The following UNC13A variants were observed in gnomAD, a reference collection of about 807,000 sequenced individuals.
UNC13A encodes protein unc-13 homolog A.
In UNC13A, 61 loss-of-function variants were observed where a neutral mutation model predicts 219.7. That is an observed-to-expected ratio of 0.28 (90% CI 0.23 to 0.34). The LOEUF is 0.34. Ranked by LOEUF, UNC13A falls within the 10% of genes least tolerant of loss-of-function variation. The pLI is 1.00. For missense variants in UNC13A, 1,476 were observed against 2,270.3 expected (o/e 0.65, Z 7.11); for synonymous variants, 920 against 884.6 (o/e 1.04, Z -0.71).
intron 1 of UNC13A, among the ~76,000 whole-genome samples, chr19:17,687,185 G>T (rs908474673): frequency 6.6e-6 from 1 of 152,184 alleles, no homozygotes; most frequent in African/African-American, 2.4e-5. Context: ...GAGCCATAAA[G>T]GTGTGGGGTG....
chr19:17,676,227 G>A (rs542990242), intron 1 of UNC13A, 186 bp from the exon 2 acceptor site: 2 of 715,106 alleles, frequency 2.8e-6, no homozygotes, highest in African/African-American at 3.5e-5. Flanking sequence ...AGCAATGTCA[G>A]AGACAGAGAC....
chr19:17,669,948 C>T (rs1297873016), intron 4 of UNC13A, among the ~76,000 whole-genome samples: 6 of 107,118 alleles, frequency 5.6e-5, no homozygotes, highest in East Asian at 5.5e-4. Context: ...CTTTTCTTTT[C>T]TTTTTTTTTT....
At chr19:17,679,939 C>G (rs1599418084) in intron 1 of UNC13A, among the ~76,000 whole-genome samples, 1 of 152,030 alleles carries the variant, frequency 6.6e-6, no homozygotes. Context: ...AGGGCTGTAC[C>G]CTCTGATAGC....
Position 17,605,256 on chromosome 19 carries a change from C to G in UNC13A, c.*798G>C, listed in dbSNP as rs527336506. 84 of 153,066 alleles carry G rather than the reference C, an allele frequency of 5.5e-4. No homozygotes were observed. Among genetic ancestry groups the G allele is most frequent in the African/African-American group, 2.0e-3 (83 of 41,584 alleles). The allele number at this position is 153,066 out of a possible 1,614,324, so 9.5% of individuals were successfully genotyped here. A position where few individuals can be genotyped will look rare whatever the true frequency, so the allele number is the denominator to read the frequency against. ...GCACAGAGGGTATGGCACCTGGAACCTTGGCCAAGTCTCAAGCAGCTCTTT... is the reference window on the plus strand; with the variant it reads ...GCACAGAGGGTATGGCACCTGGAACGTTGGCCAAGTCTCAAGCAGCTCTTT... On this transcript the variant is annotated 3_prime_UTR_variant, in exon 44 of 44. Transcript: ENST00000519716.
At chr19:17,615,132 G>C (rs11882394) in intron 41 of UNC13A, among the ~76,000 whole-genome samples, 6,364 of 152,348 alleles carry the variant, frequency 0.042, 440 homozygotes, top group African/African-American at 0.15. Flanking sequence ...TTGGCTCTCA[G>C]TATCTCATCT....
At chr19:17,623,624 G>T in intron 35 of UNC13A, 77 bp from the exon 36 acceptor site, 2 of 784,206 alleles carry the variant, frequency 2.6e-6, no homozygotes, top group South Asian at 4.2e-5. Flanking sequence ...AGGCCAGGGA[G>T]GGGGCAGAGA....
chr19:17,632,275 C>T (rs2076864446), intron 28 of UNC13A, among the ~76,000 whole-genome samples: 1 of 152,120 alleles, frequency 6.6e-6, no homozygotes, highest in African/African-American at 2.4e-5. Context: ...GAACTCCTGA[C>T]CTCAGGTGAT....
rs2076910626 is a variant in UNC13A at position 17,636,114 on chromosome 19, ATGCTG to A, written c.3120_3124del (p.Ser1041GlnfsTer18). ...CTTGGACCAGAAGTCGAGGTTCTTG[ATGCTG>A]GGCCCCTGTTCCTCTGGGAGAACTT... On this transcript the variant is annotated frameshift_variant, in exon 26 of 44. Transcript: ENST00000519716. LOFTEE classifies it high-confidence loss of function. The A allele has an allele frequency of 6.2e-7, 1 of 1,608,024 alleles. No individual in the cohort carries two copies. Among genetic ancestry groups the A allele is most frequent in the Non-Finnish European group, 8.5e-7 (1 of 1,177,190 alleles).
intron 3 of UNC13A, 30 bp from the exon 4 acceptor site, chr19:17,672,525 G>C: frequency 1.3e-6 from 2 of 1,588,100 alleles, no homozygotes; most frequent in Non-Finnish European, 1.7e-6. Context: ...GGCGTCGAGG[G>C]AGCAGGAGGG....
intron 42 of UNC13A, 130 bp downstream of exon 42, chr19:17,611,633 G>T (rs2076604632): frequency 1.3e-6 from 1 of 749,010 alleles, no homozygotes; most frequent in South Asian, 2.0e-5. Context: ...CCTGAAGGTG[G>T]CCACCTTTGG....
chr19:17,652,729 A>G (rs1599381098), intron 11 of UNC13A, 52 bp from the exon 12 acceptor site: 2 of 1,609,070 alleles, frequency 1.2e-6, no homozygotes, highest in Admixed American at 3.3e-5. Context: ...TCCCCTCCCC[A>G]GAGCAGGCTC....
At position 17,674,748 on chromosome 19, in the gene UNC13A, T is replaced by A; in HGVS notation, c.61A>T (p.Asn21Tyr). 1 of 1,613,930 alleles carries A rather than the reference T, an allele frequency of 6.2e-7. No individual in the cohort carries two copies. The highest frequency in any genetic ancestry group is 1.1e-5 in the South Asian group (1 of 91,082). Residue 21 changes from asparagine to tyrosine, a missense_variant, in exon 3 of 44, where the codon AAC (asparagine) becomes TAC (tyrosine). Physicochemically the swap from Asn to Tyr is moderately radical, Grantham distance 143 (BLOSUM62 -2). Transcript: ENST00000519716. The surrounding 1 kb of genome is among the most constrained non-coding windows in gnomAD (Gnocchi z 5.0). The stretch of plus-strand genomic sequence containing the variant: ...TGCACTTTCAGGGTCACGTACGTGT[T>A]GAATTTCTCTGTGGCAGTGAGAGTA... ...AKFDGAQEKF[N>Y]TYVTLKVQNV... is the part of the protein sequence containing the mutation.
chr19:17,656,378 T>C lies in UNC13A; in HGVS notation c.788A>G (p.Tyr263Cys). The C allele has an allele frequency of 6.5e-7, 1 of 1,541,974 alleles. No individual in the cohort carries two copies. Among genetic ancestry groups the C allele is most frequent in the Non-Finnish European group, 8.7e-7 (1 of 1,145,488 alleles). The change falls in exon 10 of 44, where the codon TAT (tyrosine) becomes TGT (cysteine). Residue 263 changes from tyrosine to cysteine, a missense_variant. Tyr to Cys is a radical substitution (Grantham distance 194, BLOSUM62 -2). Around this residue, in one of 14 missense-constraint regions of UNC13A, gnomAD observed 351 missense variants for 342.6 expected, o/e 1.02. Transcript: ENST00000519716. The stretch of plus-strand genomic sequence containing the variant: ...CTGGCTCAGCTCCCCGGAAGAGGCA[T>C]AGCGGCTGCTACCCGTGGGGCTGTG... The part of the protein sequence containing the change: ...QALSPTGSSR[Y>C]ASSGELSQGS...
chr19:17,638,414 G>A (rs1294985637), intron 25 of UNC13A, among the ~76,000 whole-genome samples: 1 of 152,156 alleles, frequency 6.6e-6, no homozygotes, highest in Non-Finnish European at 1.5e-5. Flanking sequence ...GCTGCAGTGA[G>A]CCATGATTGC....
intron 4 of UNC13A, 107 bp from the exon 5 acceptor site, chr19:17,669,783 A>G: frequency 7.6e-7 from 1 of 1,318,280 alleles, no homozygotes; most frequent in Admixed American, 2.6e-5. Context: ...CCCAAAACCA[A>G]AGTCATGTCC....
chr19:17,627,684 C>G lies in UNC13A; in HGVS notation c.3832-87G>C. 3.8e-6 allele frequency: 5 copies of G among 1,311,248 alleles called. No homozygotes were observed. The highest frequency in any genetic ancestry group is 5.4e-6 in the Non-Finnish European group (5 of 932,140). The allele number at this position is 1,311,248 out of a possible 1,614,324, so 81.2% of individuals were successfully genotyped here. On this transcript the variant is annotated intron_variant, in intron 32 of 43. Coordinates refer to ENST00000519716, the MANE Select transcript of UNC13A (RefSeq NM_001080421.3). The surrounding 1 kb of genome is among the most constrained non-coding windows in gnomAD (Gnocchi z 4.7). ...TCTCATCTGACCCAGGGAAAGGGAT[C>G]CCAAGGGGCTGCAGGGGAAACTGAG...
At chr19:17,677,512 C>T (rs746555524) in intron 1 of UNC13A, among the ~76,000 whole-genome samples, 13 of 151,948 alleles carry the variant, frequency 8.6e-5, no homozygotes, top group South Asian at 4.2e-4. Context: ...TACAGGCGTG[C>T]GCCACCATGC....
chr19:17,665,183 G>A (rs2079618202), intron 7 of UNC13A, among the ~76,000 whole-genome samples: 1 of 145,264 alleles, frequency 6.9e-6, no homozygotes, highest in African/African-American at 2.6e-5. Context: ...CTGGGTGACA[G>A]AGGGAGACTC....
At chr19:17,653,989 G>C (rs2079402736) in intron 11 of UNC13A, among the ~76,000 whole-genome samples, 1 of 151,796 alleles carries the variant, frequency 6.6e-6, no homozygotes, top group Non-Finnish European at 1.5e-5. Context: ...ACCACAGCCG[G>C]CTAATTTTTT....
Sources: gnomAD v4.1 joint callset for allele counts (sites outside exome capture counted in the v4.1 genomes callset) on GRCh38, gnomAD v4.1.1 for gene constraint, gnomAD v4.1.1 regional missense constraint, Gnocchi (gnomAD v3.1) non-coding constraint, MANE v1.5 for transcripts, NCBI Gene and HGNC (gene_info 2026-07-23, HGNC 2026-07-21) for gene names.